Variants in PLCG2 observed in about 807,000 individuals in gnomAD.
The protein encoded by PLCG2 is 1-phosphatidylinositol 4,5-bisphosphate phosphodiesterase gamma-2.
A neutral mutation model predicts 175.6 loss-of-function variants in PLCG2; 69 were observed. The ratio of observed to expected loss-of-function variants is 0.39; its 90% CI spans 0.32 to 0.48. The LOEUF is 0.48. Among genes scored for constraint, PLCG2 ranks in the 20% least tolerant of loss-of-function variants. The pLI is 0.91. For synonymous variants in PLCG2, 827 were observed against 624.0 expected, an observed-to-expected ratio of 1.33 and a Z score of -4.85; for missense variants, 1,798 against 1,650.9, an observed-to-expected ratio of 1.09 and a Z score of -1.54.
chr16:81,776,106 C>CTTT (rs1910399088), upstream of PLCG2, among the ~76,000 whole-genome samples: 1 of 20,036 alleles, frequency 5.0e-5, no homozygotes, highest in African/African-American at 1.2e-4. Context: ...TCTTTTTTTC[C>CTTT]TTCTTTCTTT....
chr16:81,842,145 T>C lies in PLCG2; in HGVS notation c.194-12299T>C, dbSNP rs547342997. On this transcript the variant is annotated intron_variant, in intron 2 of 32. Coordinates refer to ENST00000564138, the MANE Select transcript of PLCG2 (RefSeq NM_002661.5). The stretch of plus-strand genomic sequence containing the variant: ...GGTTCCTGTGCACCCCTGGGGAGCA[T>C]AAGCCAGGATTTGAACCAAGGTCTT... Among the ~76,000 whole-genome samples the C allele has an allele frequency of 2.0e-5, 3 of 152,280 alleles. No individual in the cohort carries two copies. In the South Asian group the frequency reaches 6.2e-4, roughly 32 times the overall value.
At chr16:81,769,819 CAAAAAAAA>C (rs71146043) in intron 2 of PLCG2, among the ~76,000 whole-genome samples, 10 of 75,676 alleles carry the variant, frequency 1.3e-4, no homozygotes, top group African/African-American at 5.8e-4. Context: ...GACTCCGTCT[CAAAAAAAA>C]AAAAAAAAAA....
intron 29 of PLCG2, among the ~76,000 whole-genome samples, 188 bp downstream of exon 29, chr16:81,939,103 C>G (rs902070919): frequency 1.3e-5 from 2 of 152,144 alleles, no homozygotes; most frequent in Non-Finnish European, 2.9e-5. Context: ...AATCCTTAGA[C>G]TTTCCCCAGT....
intron 2 of PLCG2, among the ~76,000 whole-genome samples, chr16:81,825,773 G>A (rs1452600975): frequency 1.3e-5 from 2 of 152,114 alleles, no homozygotes; most frequent in Non-Finnish European, 2.9e-5. Context: ...AATATTTACT[G>A]AGCCCCTCCA....
chr16:81,837,115 G>A (rs923257454), intron 2 of PLCG2, among the ~76,000 whole-genome samples: 1 of 152,138 alleles, frequency 6.6e-6, no homozygotes, highest in African/African-American at 2.4e-5. Flanking sequence ...CCTTTCTCTT[G>A]CTGTAAAAAG....
chr16:81,887,795 C>T (rs944342454), intron 9 of PLCG2, among the ~76,000 whole-genome samples: 1 of 152,346 alleles, frequency 6.6e-6, no homozygotes, highest in East Asian at 1.9e-4. Flanking sequence ...TGTCATATTT[C>T]ATCCCCTTTT....
chr16:81,916,162 TAATAA>T (rs1909830467), intron 19 of PLCG2, among the ~76,000 whole-genome samples: 2 of 152,256 alleles, frequency 1.3e-5, no homozygotes, highest in East Asian at 1.9e-4. Flanking sequence ...AATAAATATT[TAATAA>T]AATATCACTG....
chr16:81,889,800 G>A (rs1311944734), intron 10 of PLCG2, among the ~76,000 whole-genome samples: 2 of 151,992 alleles, frequency 1.3e-5, no homozygotes, highest in East Asian at 1.9e-4. Context: ...GATTATAGGC[G>A]CTGTCCACCA....
At chr16:81,807,077 C>G (rs903945468) in intron 2 of PLCG2, among the ~76,000 whole-genome samples, 2 of 152,098 alleles carry the variant, frequency 1.3e-5, no homozygotes, top group African/African-American at 4.8e-5. Flanking sequence ...CCAAGGCTTC[C>G]TAGGTCATGT....
chr16:81,859,070 C>T (rs375723730), intron 4 of PLCG2, 46 bp from the exon 5 acceptor site: 1 of 1,217,816 alleles, frequency 8.2e-7, no homozygotes, highest in Non-Finnish European at 1.2e-6. Context: ...GTGCTATTTT[C>T]TAATTTTCTC....
At chr16:81,879,065 G>A (rs1157155602) in intron 7 of PLCG2, among the ~76,000 whole-genome samples, 1 of 152,088 alleles carries the variant, frequency 6.6e-6, no homozygotes, top group African/African-American at 2.4e-5. Flanking sequence ...GCCATTGTCC[G>A]AGCTCCCTGA....
Position 81,774,177 on chromosome 16 carries a change from C to CG in PLCG2, c.-47-11766_-47-11765insG. Among the ~76,000 whole-genome samples, 2 of 40,544 alleles carry CG rather than the reference C, an allele frequency of 4.9e-5. 1 individual carries two copies. Among genetic ancestry groups the CG allele is most frequent in the South Asian group, 3.4e-3 (2 of 590 alleles). The allele number at this position is 40,544 out of a possible 152,430, so 26.6% of individuals were successfully genotyped here. The stretch of plus-strand genomic sequence containing the variant: ...TGAAATCCCGTCTCTACTAAAAATA[C>CG]AAAAAAAAAAAAAAAAAAAAAAAAA... On this transcript the variant is annotated intron_variant, in intron 2 of 5. Transcript: ENST00000565054.
At chr16:81,779,193 C>A (rs1287146704), upstream of PLCG2, 1 of 152,122 alleles carries the variant, frequency 6.6e-6, no homozygotes, top group South Asian at 2.0e-4. Context: ...AGAGGCGGAC[C>A]CGGCTGGGCG....
At chr16:81,788,394 C>A (rs1253017457) in intron 2 of PLCG2, among the ~76,000 whole-genome samples, 2 of 152,172 alleles carry the variant, frequency 1.3e-5, no homozygotes, top group East Asian at 3.8e-4. Flanking sequence ...CATTCTCCTG[C>A]CTCAGCCTCC....
chr16:81,792,093 C>G (rs1911258129), intron 2 of PLCG2, among the ~76,000 whole-genome samples: 1 of 152,194 alleles, frequency 6.6e-6, no homozygotes, highest in Non-Finnish European at 1.5e-5. Flanking sequence ...CACCAGCAGC[C>G]AAGCTCCCAC....
intron 11 of PLCG2, among the ~76,000 whole-genome samples, chr16:81,893,332 G>A: frequency 6.6e-6 from 1 of 152,194 alleles, no homozygotes; most frequent in East Asian, 1.9e-4. Context: ...CAAAAGAAGT[G>A]CCCATCTTTG....
At chr16:81,846,711 C>G (rs947451647) in intron 2 of PLCG2, among the ~76,000 whole-genome samples, 3 of 152,150 alleles carry the variant, frequency 2.0e-5, no homozygotes, top group Admixed American at 6.5e-5. Flanking sequence ...CTGGCTTCAT[C>G]TATAGATTCA....
intron 30 of PLCG2, among the ~76,000 whole-genome samples, chr16:81,942,486 G>A (rs1277899968): frequency 1.3e-5 from 2 of 152,172 alleles, no homozygotes; most frequent in Non-Finnish European, 2.9e-5. Context: ...AGAATGAACA[G>A]GAGGCATTGA....
At chr16:81,861,572 GC>G (rs1405282670) in intron 5 of PLCG2, among the ~76,000 whole-genome samples, 11 of 152,326 alleles carry the variant, frequency 7.2e-5, no homozygotes. Context: ...GCCACGCTGG[GC>G]CACCCTCTCG....
Sources: allele counts gnomAD v4.1 joint callset (sites outside exome capture counted in the v4.1 genomes callset), GRCh38; gene constraint gnomAD v4.1.1; transcripts MANE v1.5; gene names NCBI Gene and HGNC (gene_info 2026-07-23, HGNC 2026-07-21).